Variants in NUDC observed in about 807,000 individuals in gnomAD.
NUDC encodes nuclear distribution C, dynein complex regulator, also known as nuclear migration protein nudC.
Under a neutral mutation model 45.0 loss-of-function variants are expected in NUDC, and 14 were observed. That is an observed-to-expected ratio of 0.31 (90% CI 0.21 to 0.49). The LOEUF (loss-of-function observed/expected upper bound fraction) is 0.49, where lower values mean the gene tolerates loss of function less well. Among genes scored for constraint, NUDC ranks in the 20% least tolerant of loss-of-function variants. The pLI is 0.99. For synonymous variants in NUDC, 153 were observed against 156.7 expected, an observed-to-expected ratio of 0.98 and a Z score of 0.17; for missense variants, 323 against 426.2, an observed-to-expected ratio of 0.76 and a Z score of 2.13.
At chr1:26,929,426 CAAATT>C (rs985642072) in intron 2 of NUDC, among the ~76,000 whole-genome samples, 172 of 148,282 alleles carry the variant, frequency 1.2e-3, no homozygotes, top group African/African-American at 3.9e-3. Flanking sequence ...AAAAAAAAAA[CAAATT>C]AAAAAAATAT....
chr1:26,910,849 T>A (rs995061139), intron 2 of NUDC, among the ~76,000 whole-genome samples: 4 of 152,174 alleles, frequency 2.6e-5, no homozygotes, highest in African/African-American at 7.2e-5. Flanking sequence ...AAGAGTTGCC[T>A]CTTTAGTTGC....
chr1:26,925,028 G>A (rs993876072), intron 2 of NUDC, among the ~76,000 whole-genome samples: 7 of 149,458 alleles, frequency 4.7e-5, no homozygotes, highest in African/African-American at 7.4e-5. Flanking sequence ...TTACAGGCAG[G>A]CGCCACCATG....
rs2082277573 is a variant in NUDC, at chr1:26,941,629, A to G, written c.332A>G (p.Glu111Gly). The G allele has an allele frequency of 6.2e-7, 1 of 1,612,234 alleles. No homozygotes were observed. The highest frequency in any genetic ancestry group is 8.5e-7 in the Non-Finnish European group (1 of 1,179,242). ...CAGATCAAGGAGCTAACTGATGAAG[A>G]GGCAGAGAGGCTGCAGCTAGAGATT... ...GPQIKELTDE[E>G]AERLQLEIDQ... The change falls in exon 3 of 9, where the codon GAG becomes GGG. Residue 111 changes from glutamate to glycine, a missense_variant. By Grantham distance (98) the Glu-to-Gly change is moderately conservative (BLOSUM62 -2). This residue lies in a region of NUDC where 245 missense variants were observed against 278.8 expected (regional missense o/e 0.88). Coordinates refer to ENST00000321265, the MANE Select transcript of NUDC (RefSeq NM_006600.4).
chr1:26,937,208 C>T (rs929302609), intron 2 of NUDC, among the ~76,000 whole-genome samples: 1 of 152,158 alleles, frequency 6.6e-6, no homozygotes, highest in Non-Finnish European at 1.5e-5. Context: ...TCTGGGTGTG[C>T]CACCCTCCCG....
intron 2 of NUDC, among the ~76,000 whole-genome samples, chr1:26,938,850 A>G (rs2082255969): frequency 6.6e-6 from 1 of 152,138 alleles, no homozygotes; most frequent in Non-Finnish European, 1.5e-5. Context: ...CACACTGTGT[A>G]TGGGTTGGCA....
intron 2 of NUDC, among the ~76,000 whole-genome samples, chr1:26,931,196 G>C (rs1206381889): frequency 4.1e-5 from 6 of 146,606 alleles, no homozygotes; most frequent in African/African-American, 1.5e-4. Flanking sequence ...TCCCACCTCA[G>C]CCTCCCGAGT....
rs67296768 is a variant in NUDC at position 26,915,058 on chromosome 1, C to CATATAT, written c.93+3836_93+3841dup. On this transcript the variant is annotated intron_variant, in intron 3 of 6. Transcript: ENST00000435827. Reference sequence around the variant, plus strand: ...ATATATATATACACATACATACATACATATATATATATATATATGTATATA... The same window carrying CATATAT: ...ATATATATATACACATACATACATACATATATATATATATATATATATATGTATATA... Among the ~76,000 whole-genome samples, 614 of 140,514 alleles carry CATATAT rather than the reference C, an allele frequency of 4.4e-3. 7 individuals carry two copies. Among genetic ancestry groups the CATATAT allele is most frequent in the Admixed American group, 6.8e-3 (94 of 13,910 alleles). 92.2% of individuals were successfully genotyped at this position (140,514 alleles called of 152,430 possible). A position where few individuals can be genotyped will look rare whatever the true frequency, so the allele number is the denominator to read the frequency against.
At chr1:26,902,823 C>T (rs899739589) in intron 2 of NUDC, among the ~76,000 whole-genome samples, 4 of 151,810 alleles carry the variant, frequency 2.6e-5, no homozygotes, top group East Asian at 3.9e-4. Flanking sequence ...CTGAGGTGGG[C>T]GGATCACTTG....
chr1:26,900,174 G>A (rs2081969145), upstream of NUDC: 1 of 1,614,052 alleles, frequency 6.2e-7, no homozygotes, highest in African/African-American at 1.3e-5. Context: ...GTCTCGAGTG[G>A]AGAGAGGCCG....
chr1:26,929,236 T>C (rs2082158593), intron 2 of NUDC, among the ~76,000 whole-genome samples: 2 of 151,346 alleles, frequency 1.3e-5, no homozygotes, highest in Admixed American at 1.3e-4. Flanking sequence ...ATGGAAAATA[T>C]TTGGAAAAAA....
At chr1:26,903,966 G>A (rs533739992) in intron 2 of NUDC, among the ~76,000 whole-genome samples, 56 of 149,636 alleles carry the variant, frequency 3.7e-4, no homozygotes, top group Non-Finnish European at 7.3e-4. Flanking sequence ...AGCCGAGATC[G>A]CGCCACTGCA....
chr1:26,933,266 A>T (rs1241968832), intron 2 of NUDC, among the ~76,000 whole-genome samples: 1 of 150,724 alleles, frequency 6.6e-6, no homozygotes, highest in African/African-American at 2.4e-5. Context: ...TCTTCTGCTG[A>T]TGGACTTTTG....
At chr1:26,900,248 G>A (rs1333051055) in exon 1 of NUDC, 2 of 1,614,140 alleles carry the variant, frequency 1.2e-6, no homozygotes, top group South Asian at 1.1e-5. Flanking sequence ...TAGGAATTAG[G>A]GCAGAGTTAG....
At chr1:26,908,485 A>G (rs1014057408) in intron 2 of NUDC, among the ~76,000 whole-genome samples, 7 of 152,248 alleles carry the variant, frequency 4.6e-5, no homozygotes, top group African/African-American at 1.7e-4. Context: ...GACAAGAAAC[A>G]GAAGTGTAGC....
exon 1 of NUDC, chr1:26,900,394 C>G (rs368911880): frequency 9.9e-6 from 16 of 1,613,642 alleles, no homozygotes; most frequent in Middle Eastern, 3.4e-4. Context: ...ATACCGCTCA[C>G]TACCAGGTAA....
chr1:26,929,619 C>T (rs907312486), intron 2 of NUDC: 8 of 274,292 alleles, frequency 2.9e-5, no homozygotes, highest in East Asian at 9.5e-5. Flanking sequence ...AACAAATCTT[C>T]GTGGGTACGG....
intron 2 of NUDC, among the ~76,000 whole-genome samples, chr1:26,930,513 A>G (rs2082171954): frequency 1.3e-5 from 2 of 152,094 alleles, no homozygotes; most frequent in Non-Finnish European, 2.9e-5. Context: ...GGTGTTCAAG[A>G]CCAGTCTGGT....
chr1:26,903,051 C>CA lies in NUDC; in HGVS notation c.-16+698dup, dbSNP rs35863679. ...TGGGCAACAGAGCGAGACTCTGTCT[C>CA]AAAAAAAAAAAAATTATAATAAAAT... On this transcript the variant is annotated intron_variant, in intron 2 of 6. Transcript: ENST00000435827. 1.9e-3 allele frequency among the ~76,000 whole-genome samples: 264 copies of CA among 140,062 alleles called. 1 individual carries two copies. The highest frequency in any genetic ancestry group is 3.6e-3 in the Middle Eastern group (1 of 280). The allele number at this position is 140,062 out of a possible 152,430, so 91.9% of individuals were successfully genotyped here.
intron 2 of NUDC, among the ~76,000 whole-genome samples, chr1:26,939,146 A>G (rs913978589): frequency 5.9e-5 from 9 of 152,166 alleles, no homozygotes; most frequent in Non-Finnish European, 8.8e-5. Context: ...GGCGTGTGCC[A>G]CCACACCGGG....
Sources: gnomAD v4.1 joint callset for allele counts (sites outside exome capture counted in the v4.1 genomes callset) on GRCh38, gnomAD v4.1.1 for gene constraint, gnomAD v4.1.1 regional missense constraint, MANE v1.5 for transcripts, NCBI Gene and HGNC (gene_info 2026-07-23, HGNC 2026-07-21) for gene names.